CFAP20DC: variants seen among roughly 807,000 people sequenced by gnomAD.
CFAP20DC encodes the protein protein CFAP20DC.
In CFAP20DC, 84 loss-of-function variants were observed where a neutral mutation model predicts 101.7. The ratio of observed to expected loss-of-function variants is 0.83; its 90% confidence interval spans 0.69 to 0.99. The LOEUF (loss-of-function observed/expected upper bound fraction) is 0.99. Ranked by LOEUF, CFAP20DC falls within the 50% of genes least tolerant of loss-of-function variation. The pLI, the probability that CFAP20DC is intolerant of heterozygous loss-of-function variation, is 0.00. For missense variants in CFAP20DC, 1,007 were observed against 970.3 expected, an observed-to-expected ratio of 1.04 and a Z score of -0.50; for synonymous variants, 359 against 351.2, an observed-to-expected ratio of 1.02 and a Z score of -0.25.
At chr3:58,993,124 A>G (rs1264602039) in intron 4 of CFAP20DC, among the ~76,000 whole-genome samples, 1 of 152,230 alleles carries the variant, frequency 6.6e-6, no homozygotes, top group African/African-American at 2.4e-5. Context: ...GAATATATCT[A>G]ACACCACAGA....
intron 4 of CFAP20DC, among the ~76,000 whole-genome samples, chr3:59,026,869 G>C (rs1478980431): frequency 2.0e-5 from 3 of 152,184 alleles, no homozygotes; most frequent in African/African-American, 4.8e-5. Context: ...AAATTGGCTT[G>C]AGGCTAAAGC....
chr3:58,889,869 G>A (rs1298085775), intron 6 of CFAP20DC, among the ~76,000 whole-genome samples: 2 of 125,392 alleles, frequency 1.6e-5, no homozygotes, highest in South Asian at 3.1e-4. Context: ...AGGGTTGGGG[G>A]TAAGGTCACA....
At position 58,797,506 on chromosome 3, in the gene CFAP20DC, G is replaced by A. The variant is rs9823352; in HGVS notation, c.2237+8889C>T. On this transcript the variant is annotated intron_variant, in intron 15 of 16. Coordinates refer to ENST00000482387, the MANE Select transcript of CFAP20DC (RefSeq NM_001394063.1). Reference sequence around the variant, plus strand: ...TTGAGTTAGCAGAGGTTGATTCCTGGGGTTTAAGGAAAGAAGCCATCTCGG... The same window carrying A: ...TTGAGTTAGCAGAGGTTGATTCCTGAGGTTTAAGGAAAGAAGCCATCTCGG... Among the ~76,000 whole-genome samples, 1,509 of 152,170 alleles carry A rather than the reference G, an allele frequency of 9.9e-3. 23 individuals are homozygous for A. The highest frequency in any genetic ancestry group is 0.035 in the African/African-American group (1,460 of 41,508).
At chr3:58,992,583 T>G (rs2092977032) in intron 4 of CFAP20DC, 1 of 984,394 alleles carries the variant, frequency 1.0e-6, no homozygotes, top group African/African-American at 1.7e-5. Context: ...TTCATATCTC[T>G]TGGGAAAAGA....
At chr3:58,848,288 T>C (rs2077901940) in intron 13 of CFAP20DC, among the ~76,000 whole-genome samples, 1 of 152,160 alleles carries the variant, frequency 6.6e-6, no homozygotes, top group African/African-American at 2.4e-5. Context: ...AGGTAACAAT[T>C]AATCCACTCT....
At position 58,732,675 on chromosome 3, in the gene CFAP20DC, A is replaced by T. The variant is rs1257468998; in HGVS notation, c.198-15047T>A. ...CTGCTTCTCACTCTAATGGGTTTAT[A>T]ACACCCAACGTGGCACGAAAGCCGT... is the stretch of plus-strand genomic sequence containing the variant. On this transcript the variant is annotated intron_variant, in intron 3 of 3. Coordinates refer to the CFAP20DC transcript ENST00000486145. This position sits in a 1 kb window ranked among gnomAD's most constrained non-coding sequence, Gnocchi z 5.4. Among the ~76,000 whole-genome samples the T allele has an allele frequency of 6.6e-6, 1 of 152,220 alleles. No homozygotes were observed. Among genetic ancestry groups the T allele is most frequent in the Non-Finnish European group, 1.5e-5 (1 of 68,040 alleles).
intron 5 of CFAP20DC, among the ~76,000 whole-genome samples, chr3:58,931,615 T>C (rs2086703181): frequency 1.3e-5 from 2 of 152,148 alleles, no homozygotes; most frequent in African/African-American, 4.8e-5. Flanking sequence ...TCGCGGTTCA[T>C]GAAAATCTGC....
At chr3:58,818,844 T>A (rs2075397661) in intron 14 of CFAP20DC, among the ~76,000 whole-genome samples, 2 of 130,730 alleles carry the variant, frequency 1.5e-5, no homozygotes, top group South Asian at 5.8e-4. Context: ...ATACATTTTT[T>A]TCAGCACCAC....
At chr3:58,751,547 C>T (rs768178601) in intron 16 of CFAP20DC, among the ~76,000 whole-genome samples, 11 of 152,080 alleles carry the variant, frequency 7.2e-5, no homozygotes, top group Non-Finnish European at 1.6e-4. Flanking sequence ...AGAGGTATCT[C>T]TCTCTTTTTT....
At chr3:58,827,203 C>G (rs1312799123) in intron 14 of CFAP20DC, among the ~76,000 whole-genome samples, 1 of 152,020 alleles carries the variant, frequency 6.6e-6, no homozygotes, top group Non-Finnish European at 1.5e-5. Flanking sequence ...TTGCTGTGAA[C>G]CCAAAACGGC....
At position 58,732,416 on chromosome 3, in the gene CFAP20DC, G is replaced by C. The variant is rs1575518813; in HGVS notation, c.198-14788C>G. 6.6e-6 allele frequency among the ~76,000 whole-genome samples: 1 copy of C among 152,218 alleles called. No individual in the cohort carries two copies. Among genetic ancestry groups the C allele is most frequent in the Admixed American group, 6.5e-5 (1 of 15,282 alleles). On this transcript the variant is annotated intron_variant, in intron 3 of 3. Transcript: ENST00000486145. The surrounding 1 kb of genome is among the most constrained non-coding windows in gnomAD (Gnocchi z 5.4). ...GTTTATAGAATGTGATCAGGTGGCAGAGTGACAACCTGAACCTCGAGTGGT... is the reference window on the plus strand; with the variant it reads ...GTTTATAGAATGTGATCAGGTGGCACAGTGACAACCTGAACCTCGAGTGGT...
At chr3:58,840,825 G>C (rs1304056489) in intron 13 of CFAP20DC, among the ~76,000 whole-genome samples, 8 of 152,170 alleles carry the variant, frequency 5.3e-5, no homozygotes, top group Non-Finnish European at 7.3e-5. Context: ...TTGTGGGATA[G>C]GTATTATTTT....
At chr3:58,789,956 C>T (rs898629865) in intron 15 of CFAP20DC, among the ~76,000 whole-genome samples, 5 of 152,040 alleles carry the variant, frequency 3.3e-5, no homozygotes, top group Non-Finnish European at 7.4e-5. Flanking sequence ...TAGAAAGATA[C>T]AGAAATGTTA....
chr3:58,890,523 C>A (rs866182225), intron 6 of CFAP20DC, among the ~76,000 whole-genome samples: 2 of 148,706 alleles, frequency 1.3e-5, no homozygotes, highest in African/African-American at 5.0e-5. Flanking sequence ...CGGGCAGAGG[C>A]GCCCCTCACC....
intron 4 of CFAP20DC, among the ~76,000 whole-genome samples, chr3:59,037,499 A>G (rs1285672046): frequency 6.6e-6 from 1 of 152,226 alleles, no homozygotes; most frequent in African/African-American, 2.4e-5. Flanking sequence ...TCAAAAGAAG[A>G]CATTTATGTG....
Position 58,851,501 on chromosome 3 carries a change from G to C in CFAP20DC, c.1594-2092C>G, listed in dbSNP as rs188895835. ...TGCCCTGTTATAATTTTTTCTTTTTGTGAAATGTAGTTGAGATTAGCAGAC... is the reference window on the plus strand; with the variant it reads ...TGCCCTGTTATAATTTTTTCTTTTTCTGAAATGTAGTTGAGATTAGCAGAC... On this transcript the variant is annotated intron_variant, in intron 12 of 16. Transcript: ENST00000482387. Among the ~76,000 whole-genome samples the C allele has an allele frequency of 1.1e-3, 161 of 152,182 alleles. 4 individuals carry two copies. Among genetic ancestry groups the C allele is most frequent in the Admixed American group, 9.5e-3 (145 of 15,278 alleles).
chr3:58,823,645 T>G (rs924076068), intron 14 of CFAP20DC, among the ~76,000 whole-genome samples: 3 of 152,054 alleles, frequency 2.0e-5, no homozygotes, highest in Non-Finnish European at 4.4e-5. Flanking sequence ...CCAGGCAGTC[T>G]GAGTCCACAG....
chr3:58,841,163 T>G (rs2077075288), intron 13 of CFAP20DC, among the ~76,000 whole-genome samples: 1 of 152,232 alleles, frequency 6.6e-6, no homozygotes, highest in Non-Finnish European at 1.5e-5. Flanking sequence ...GCAATGAACA[T>G]ATGTCTAACA....
intron 4 of CFAP20DC, among the ~76,000 whole-genome samples, chr3:59,037,626 A>G (rs1359075706): frequency 6.6e-6 from 1 of 152,182 alleles, no homozygotes; most frequent in African/African-American, 2.4e-5. Flanking sequence ...AAACGTCAGG[A>G]AACAACAGAT....
Sources: allele counts gnomAD v4.1 joint callset (sites outside exome capture counted in the v4.1 genomes callset), GRCh38; gene constraint gnomAD v4.1.1; non-coding constraint Gnocchi (gnomAD v3.1); transcripts MANE v1.5; gene names NCBI Gene and HGNC (gene_info 2026-07-23, HGNC 2026-07-21).